Variants in SLC38A1 observed in about 807,000 individuals in gnomAD.
The protein encoded by SLC38A1 is solute carrier family 38 member 1.
Under a neutral mutation model 60.3 loss-of-function variants are expected in SLC38A1, and 18 were observed. The observed-to-expected ratio is 0.30, with a 90% CI of 0.21 to 0.44. SLC38A1 has a LOEUF of 0.44. Among genes scored for constraint, SLC38A1 ranks in the 20% least tolerant of loss-of-function variants. SLC38A1 has a pLI of 1.00. For missense variants in SLC38A1, 448 were observed against 587.2 expected (o/e 0.76, Z 2.45); for synonymous variants, 196 against 212.1 (o/e 0.92, Z 0.66).
In SLC38A1 at chr12:46,204,543, A is replaced by T. The variant is rs1386326485; in HGVS notation, c.694T>A (p.Phe232Ile). The T allele has an allele frequency of 6.2e-7, 1 of 1,612,874 alleles. No homozygotes were observed. ...CAATCAGCACTTACCACAATTAGGA[A>T]AAAAACCATACAGCTCAAGGAAAAT... ...SGFSLSCMVF[F>I]LIVVIYKKFQ... Residue 232 changes from phenylalanine (F) to isoleucine (I), a missense_variant, in exon 10 of 17, where the codon TTC becomes ATC. By Grantham distance (21) the Phe-to-Ile change is conservative. Transcript: ENST00000398637.
intron 16 of SLC38A1, 124 bp from the exon 17 acceptor site, chr12:46,189,195 C>A: frequency 3.1e-6 from 2 of 649,662 alleles, no homozygotes; most frequent in South Asian, 1.9e-5. Context: ...GAGTTTGTCA[C>A]AACCATGGCT....
At chr12:46,254,426 T>C (rs1203066588) in intron 1 of SLC38A1, among the ~76,000 whole-genome samples, 1 of 152,256 alleles carries the variant, frequency 6.6e-6, no homozygotes, top group Non-Finnish European at 1.5e-5. Flanking sequence ...ATACTTGGCC[T>C]GATTTTTTGT....
At chr12:46,234,757 T>A (rs1400563689) in intron 3 of SLC38A1, among the ~76,000 whole-genome samples, 1 of 152,202 alleles carries the variant, frequency 6.6e-6, no homozygotes, top group African/African-American at 2.4e-5. Flanking sequence ...TAAAACTAAC[T>A]AACTTTTTGT....
At chr12:46,239,565 A>C in intron 3 of SLC38A1, 114 bp downstream of exon 3, 1 of 1,186,568 alleles carries the variant, frequency 8.4e-7, no homozygotes, top group Non-Finnish European at 1.2e-6. Flanking sequence ...CTGGTCTCGA[A>C]TTCCTGACCT....
chr12:46,214,357 T>G (rs1305176751), intron 5 of SLC38A1, among the ~76,000 whole-genome samples: 2 of 152,236 alleles, frequency 1.3e-5, no homozygotes, highest in African/African-American at 4.8e-5. Flanking sequence ...ACTCATCTTT[T>G]AAACAACGAA....
chr12:46,202,433 C>T lies in SLC38A1; in HGVS notation c.902+577G>A, dbSNP rs17096765. Among the ~76,000 whole-genome samples the T allele has an allele frequency of 7.4e-3, 1,122 of 152,176 alleles. 16 individuals carry two copies. The highest frequency in any genetic ancestry group is 0.026 in the African/African-American group (1,070 of 41,502). On this transcript the variant is annotated intron_variant, in intron 12 of 16. Transcript: ENST00000398637. ...TTGATAACCATAGGCTAAAAAGAGA[C>T]ATGAAGAAGTTTATAAGCAGGCCTT...
At chr12:46,216,988 A>C (rs1940443290) in intron 5 of SLC38A1, among the ~76,000 whole-genome samples, 1 of 152,202 alleles carries the variant, frequency 6.6e-6, no homozygotes, top group Non-Finnish European at 1.5e-5. Context: ...TGAAAAATTC[A>C]AAATGATCTT....
intron 3 of SLC38A1, among the ~76,000 whole-genome samples, chr12:46,236,509 G>C (rs1392214161): frequency 6.6e-6 from 1 of 152,110 alleles, no homozygotes; most frequent in Non-Finnish European, 1.5e-5. Flanking sequence ...CAGAGCACAA[G>C]ATCAATAAGA....
In SLC38A1 at chr12:46,204,563, GA is replaced by G; in HGVS notation, c.673del (p.Ser225ProfsTer2). 1 of 1,611,266 alleles carries G rather than the reference GA, an allele frequency of 6.2e-7. No homozygotes were observed. Among genetic ancestry groups the G allele is most frequent in the Admixed American group, 1.7e-5 (1 of 59,764 alleles). ...LGYLGYTSGF[S>X]LSCMVFFLIV... ...TAGGAAAAAAACCATACAGCTCAAG[GA>G]AAATCCACTAGTATAGCCAAGATAC... On this transcript the variant is annotated frameshift_variant, in exon 10 of 17. Transcript: ENST00000398637. LOFTEE classifies it high-confidence loss of function.
intron 5 of SLC38A1, 51 bp from the exon 6 acceptor site, chr12:46,209,178 C>G: frequency 7.7e-7 from 1 of 1,302,592 alleles, no homozygotes; most frequent in South Asian, 1.2e-5. Flanking sequence ...AGAATATATT[C>G]TGGCATTACA....
At chr12:46,246,908 C>T (rs1221773094) in intron 1 of SLC38A1, among the ~76,000 whole-genome samples, 2 of 152,208 alleles carry the variant, frequency 1.3e-5, no homozygotes, top group Non-Finnish European at 2.9e-5. Context: ...AAAGAACCTC[C>T]AGCAAATTCC....
At chr12:46,216,793 G>C (rs1940434266) in intron 5 of SLC38A1, among the ~76,000 whole-genome samples, 1 of 152,084 alleles carries the variant, frequency 6.6e-6, no homozygotes, top group African/African-American at 2.4e-5. Context: ...CCGGGAGGCG[G>C]AGGTTGCAGT....
rs1938835857 is a variant in SLC38A1 at position 46,183,488 on chromosome 12, G to A, written c.*5482C>T. 6.6e-6 allele frequency: 1 copy of A among 152,100 alleles called. No individual in the cohort carries two copies. The highest frequency in any genetic ancestry group is 6.5e-5 in the Admixed American group (1 of 15,268). 9.4% of individuals were successfully genotyped at this position (152,100 alleles called of 1,614,324 possible). On this transcript the variant is annotated 3_prime_UTR_variant, in exon 17 of 17. Coordinates refer to ENST00000398637, the MANE Select transcript of SLC38A1 (RefSeq NM_030674.4). ...TTTGTTTTCTTTCCTTCAAATTTGTGCTCATAATTAATATTCAGGTTCCCT... is the reference window on the plus strand; with the variant it reads ...TTTGTTTTCTTTCCTTCAAATTTGTACTCATAATTAATATTCAGGTTCCCT...
At chr12:46,199,829 G>T (rs1307726432) in intron 13 of SLC38A1, among the ~76,000 whole-genome samples, 1 of 152,074 alleles carries the variant, frequency 6.6e-6, no homozygotes, top group Non-Finnish European at 1.5e-5. Context: ...CCAGTCTCAA[G>T]GTCCTCAGCA....
intron 4 of SLC38A1, 129 bp from the exon 5 acceptor site, chr12:46,229,397 C>T (rs1940984485): frequency 1.2e-6 from 1 of 801,074 alleles, no homozygotes; most frequent in Admixed American, 2.5e-5. Flanking sequence ...TCTTAGTTAT[C>T]TAGTTATTTC....
chr12:46,235,727 T>G (rs1247685284), intron 3 of SLC38A1, among the ~76,000 whole-genome samples: 1 of 152,184 alleles, frequency 6.6e-6, no homozygotes, highest in African/African-American at 2.4e-5. Context: ...CTCCAAAAGA[T>G]ATATAAAGAC....
At chr12:46,246,534 C>T (rs894943977) in intron 1 of SLC38A1, among the ~76,000 whole-genome samples, 2 of 152,352 alleles carry the variant, frequency 1.3e-5, no homozygotes, top group East Asian at 1.9e-4. Context: ...CCCACCACAG[C>T]GGAGCAAGGC....
At chr12:46,196,401 C>G (rs1939380768) in intron 16 of SLC38A1, 4 of 1,296,514 alleles carry the variant, frequency 3.1e-6, no homozygotes, top group Non-Finnish European at 4.1e-6. Flanking sequence ...TTTGGAAGAC[C>G]CTACTACTAG....
intron 16 of SLC38A1, among the ~76,000 whole-genome samples, chr12:46,197,051 T>G (rs975053053): frequency 1.6e-4 from 25 of 152,344 alleles, no homozygotes; most frequent in African/African-American, 6.0e-4. Context: ...ATGGAAACAG[T>G]GGACTGCATA....
Sources: gnomAD v4.1 joint callset for allele counts (sites outside exome capture counted in the v4.1 genomes callset) on GRCh38, gnomAD v4.1.1 for gene constraint, MANE v1.5 for transcripts, NCBI Gene and HGNC (gene_info 2026-07-23, HGNC 2026-07-21) for gene names.